Variants in KCNT2 observed in about 807,000 individuals in gnomAD.
KCNT2 encodes the protein potassium channel subfamily T member 2.
A neutral mutation model predicts 153.8 loss-of-function variants in KCNT2; 67 were observed. The observed-to-expected ratio is 0.44, with a 90% CI of 0.36 to 0.53. The LOEUF (loss-of-function observed/expected upper bound fraction) is 0.53, where lower values mean the gene tolerates loss of function less well. Among genes scored for constraint, KCNT2 ranks in the 20% least tolerant of loss-of-function variants. KCNT2 has a pLI of 0.00. For missense variants in KCNT2, 975 were observed against 1,354.8 expected, an observed-to-expected ratio of 0.72 and a Z score of 4.40; for synonymous variants, 500 against 458.8, an observed-to-expected ratio of 1.09 and a Z score of -1.15.
intron 14 of KCNT2, among the ~76,000 whole-genome samples, chr1:196,343,676 A>T (rs558595938): frequency 2.0e-5 from 3 of 152,248 alleles, no homozygotes; most frequent in Non-Finnish European, 4.4e-5. Flanking sequence ...TTCCTTCTTA[A>T]GTATGCTTAA....
intron 12 of KCNT2, among the ~76,000 whole-genome samples, chr1:196,408,571 T>C (rs1041604828): frequency 4.6e-5 from 7 of 151,792 alleles, no homozygotes; most frequent in Non-Finnish European, 5.9e-5. Context: ...CAGATGCTGG[T>C]AAAGCTGCAT....
chr1:196,602,453 C>A (rs1385906923), intron 1 of KCNT2, among the ~76,000 whole-genome samples: 2 of 152,074 alleles, frequency 1.3e-5, no homozygotes. Context: ...GAACATAATA[C>A]CGAATGTGAC....
At chr1:196,451,407 A>ATTTTTTTTTTTTTTTT (rs35621901) in intron 8 of KCNT2, among the ~76,000 whole-genome samples, 3 of 62,894 alleles carry the variant, frequency 4.8e-5, no homozygotes, top group African/African-American at 1.4e-4. Context: ...CACCCAACAC[A>ATTTTTTTTTTTTTTTT]TTTTTTTTTT....
At chr1:196,333,145 C>G (rs1407346241) in intron 17 of KCNT2, among the ~76,000 whole-genome samples, 1 of 151,140 alleles carries the variant, frequency 6.6e-6, no homozygotes, top group Non-Finnish European at 1.5e-5. Flanking sequence ...TGTACACAAC[C>G]AATATAAAGT....
At chr1:196,487,368 A>T (rs76060019) in intron 3 of KCNT2, among the ~76,000 whole-genome samples, 2,619 of 151,394 alleles carry the variant, frequency 0.017, 80 homozygotes, top group African/African-American at 0.059. Context: ...ATAATCACAA[A>T]ATGCAGTGGG....
At chr1:196,564,332 C>T (rs1243912894) in intron 1 of KCNT2, among the ~76,000 whole-genome samples, 1 of 151,788 alleles carries the variant, frequency 6.6e-6, no homozygotes, top group Non-Finnish European at 1.5e-5. Flanking sequence ...AATTACAAAA[C>T]ACTGATGAAA....
intron 26 of KCNT2, among the ~76,000 whole-genome samples, chr1:196,243,946 G>C (rs979877289): frequency 6.6e-6 from 1 of 151,858 alleles, no homozygotes; most frequent in African/African-American, 2.4e-5. Context: ...TCTCCCTTCT[G>C]CTTGAGGGGA....
rs112504336 is a variant in KCNT2, at chr1:196,452,503, A to C, written c.638+12790T>G. Among the ~76,000 whole-genome samples, 512 of 152,024 alleles carry C rather than the reference A, an allele frequency of 3.4e-3. 1 individual carries two copies. Among genetic ancestry groups the C allele is most frequent in the African/African-American group, 0.012 (479 of 41,528 alleles). ...AGATGACTCCCTCAACAACCTGTGT[A>C]CAGGCAATCTTGTATATGCACTCAG... On this transcript the variant is annotated intron_variant, in intron 8 of 27. Coordinates refer to ENST00000294725, the MANE Select transcript of KCNT2 (RefSeq NM_198503.5).
intron 1 of KCNT2, among the ~76,000 whole-genome samples, chr1:196,588,014 T>C (rs1662897314): frequency 6.6e-6 from 1 of 152,144 alleles, no homozygotes; most frequent in East Asian, 1.9e-4. Flanking sequence ...GTGGAAAAAT[T>C]ACAATAATCA....
intron 13 of KCNT2, among the ~76,000 whole-genome samples, chr1:196,392,230 G>A (rs1256357931): frequency 1.3e-5 from 2 of 151,066 alleles, no homozygotes; most frequent in Admixed American, 6.6e-5. Context: ...GTGTAAGTTT[G>A]ATTTTTTGAA....
intron 3 of KCNT2, among the ~76,000 whole-genome samples, chr1:196,485,796 A>G (rs1161569876): frequency 6.6e-6 from 1 of 151,920 alleles, no homozygotes; most frequent in Non-Finnish European, 1.5e-5. Context: ...TCCTTCATAA[A>G]ATGAATTTAT....
intron 8 of KCNT2, among the ~76,000 whole-genome samples, chr1:196,437,299 TAA>T (rs1674797972): frequency 1.5e-5 from 2 of 133,134 alleles, no homozygotes; most frequent in African/African-American, 5.5e-5. Context: ...ATAATATATA[TAA>T]ATATATTTAT....
intron 22 of KCNT2, among the ~76,000 whole-genome samples, chr1:196,304,963 T>A (rs976416510): frequency 1.3e-5 from 2 of 152,166 alleles, no homozygotes; most frequent in Non-Finnish European, 2.9e-5. Flanking sequence ...TACACATTTC[T>A]GTTGCATTTA....
rs955683556 is a variant in KCNT2, at chr1:196,485,533, T to A, written c.276-3154A>T. On this transcript the variant is annotated intron_variant, in intron 3 of 27. Coordinates refer to ENST00000294725, the MANE Select transcript of KCNT2 (RefSeq NM_198503.5). The stretch of plus-strand genomic sequence containing the variant: ...TGGCATTTTCTTTGGTCTGTGATAT[T>A]GGTAGGCAATTGAAATGTCATAAAG... Among the ~76,000 whole-genome samples, 3 of 151,982 alleles carry A rather than the reference T, an allele frequency of 2.0e-5. No individual in the cohort carries two copies. In the East Asian group the frequency reaches 5.8e-4, roughly 29 times the overall value.
chr1:196,281,184 A>G (rs1314551593), intron 24 of KCNT2, among the ~76,000 whole-genome samples, 196 bp from the exon 25 acceptor site: 1 of 152,152 alleles, frequency 6.6e-6, no homozygotes, highest in Non-Finnish European at 1.5e-5. Flanking sequence ...TTCACTTCTT[A>G]AAGGGAGAAA....
intron 27 of KCNT2, among the ~76,000 whole-genome samples, chr1:196,228,746 G>C (rs1207613361): frequency 6.6e-6 from 1 of 151,850 alleles, no homozygotes; most frequent in Admixed American, 6.6e-5. Context: ...CTACATTTTA[G>C]CCATCATTCT....
intron 12 of KCNT2, among the ~76,000 whole-genome samples, chr1:196,407,738 GC>G (rs938657906): frequency 1.3e-5 from 2 of 151,416 alleles, no homozygotes; most frequent in African/African-American, 4.8e-5. Flanking sequence ...GTGATTGTTT[GC>G]TTTCTTTTCT....
chr1:196,374,836 C>G (rs1045454943), intron 13 of KCNT2, among the ~76,000 whole-genome samples: 15 of 151,608 alleles, frequency 9.9e-5, no homozygotes, highest in African/African-American at 3.6e-4. Flanking sequence ...AATTTCAAAT[C>G]AAAAATTAGA....
chr1:196,496,371 G>T lies in KCNT2; in HGVS notation c.96-4030C>A, dbSNP rs572100554. Among the ~76,000 whole-genome samples the T allele has an allele frequency of 3.8e-4, 58 of 151,906 alleles. 2 individuals are homozygous for T. The South Asian group carries it at 0.012, about 31-fold the overall frequency. ...CAGTCCCAGCTACTCTGGAGGCTGC[G>T]GAAGGAGAATGGCGTGAACCTGAGA... is the stretch of plus-strand genomic sequence containing the variant. On this transcript the variant is annotated intron_variant, in intron 1 of 27. Coordinates refer to ENST00000294725, the MANE Select transcript of KCNT2 (RefSeq NM_198503.5).
Sources: gnomAD v4.1 joint callset for allele counts (sites outside exome capture counted in the v4.1 genomes callset) on GRCh38, gnomAD v4.1.1 for gene constraint, MANE v1.5 for transcripts, NCBI Gene and HGNC (gene_info 2026-07-23, HGNC 2026-07-21) for gene names.